The following METTL21A variants were observed in gnomAD, a reference collection of about 807,000 sequenced individuals.
The protein encoded by METTL21A is protein N-lysine methyltransferase METTL21A.
A neutral mutation model predicts 20.9 loss-of-function variants in METTL21A; 22 were observed. The observed-to-expected ratio is 1.05, with a 90% confidence interval of 0.75 to 1.50. The LOEUF is 1.50. Among genes scored for constraint, METTL21A ranks in the 40% most tolerant of loss-of-function variants. METTL21A has a pLI of 0.00. For synonymous variants in METTL21A, 93 were observed against 102.0 expected, an observed-to-expected ratio of 0.91 and a Z score of 0.53; for missense variants, 271 against 266.8, an observed-to-expected ratio of 1.02 and a Z score of -0.11.
chr2:207,610,823 C>T (rs1301769278), downstream of METTL21A: 3 of 31,088 alleles, frequency 9.7e-5, no homozygotes, highest in Non-Finnish European at 1.8e-4. Context: ...GGCCAGCCGC[C>T]CCATCCGGGA....
At chr2:207,608,782 C>T (rs577049331), downstream of METTL21A, among the ~76,000 whole-genome samples, 3 of 152,270 alleles carry the variant, frequency 2.0e-5, no homozygotes, top group South Asian at 2.1e-4. Flanking sequence ...AAAAATTAGC[C>T]GGACCGTGGT....
chr2:207,582,121 C>T, exon 4 of METTL21A: 1 of 702,798 alleles, frequency 1.4e-6, no homozygotes, highest in Non-Finnish European at 2.6e-6. Flanking sequence ...TTCTCTTTGT[C>T]CAGCCCATAT....
chr2:207,607,389 CAAAA>C (rs911579268), downstream of METTL21A, among the ~76,000 whole-genome samples: 6 of 147,586 alleles, frequency 4.1e-5, no homozygotes, highest in East Asian at 2.0e-4. Context: ...AATTCCATCT[CAAAA>C]AAAAGAAAGA....
At chr2:207,614,243 A>AT (rs1197489991) in intron 3 of METTL21A, among the ~76,000 whole-genome samples, 2 of 151,966 alleles carry the variant, frequency 1.3e-5, no homozygotes, top group Non-Finnish European at 1.5e-5. Context: ...TCTACAAATA[A>AT]TTTTTTTTAA....
chr2:207,596,950 A>G lies in METTL21A; in HGVS notation c.260-14790T>C, dbSNP rs140407055. 41 of 1,611,846 alleles carry G rather than the reference A, an allele frequency of 2.5e-5. No homozygotes were observed. The East Asian group carries it at 7.2e-4, about 28-fold the overall frequency. ...GAGAGTGTCGTAGAAAGAAGAAAGAATATGTGAAATGTTTAGAAAACAGAG... is the reference window on the plus strand; with the variant it reads ...GAGAGTGTCGTAGAAAGAAGAAAGAGTATGTGAAATGTTTAGAAAACAGAG... On this transcript the variant is annotated intron_variant, in intron 3 of 3. Transcript: ENST00000425132.
downstream of METTL21A, among the ~76,000 whole-genome samples, chr2:207,606,538 C>G (rs1296391313): frequency 2.6e-5 from 4 of 152,178 alleles, no homozygotes; most frequent in Non-Finnish European, 5.9e-5. Flanking sequence ...CGGTGTCATG[C>G]TGTTTATGTC....
At chr2:207,621,492 C>T (rs1257486357) in intron 3 of METTL21A, among the ~76,000 whole-genome samples, 1 of 152,146 alleles carries the variant, frequency 6.6e-6, no homozygotes, top group Non-Finnish European at 1.5e-5. Context: ...GATTATTCTC[C>T]TTGAATCAAC....
chr2:207,602,051 CAG>C (rs2087150163), intron 3 of METTL21A: 3 of 204,788 alleles, frequency 1.5e-5, no homozygotes, highest in South Asian at 3.8e-4. Context: ...TTCAAATAAA[CAG>C]GGTGCTGAAG....
At chr2:207,624,315 G>C in exon 2 of METTL21A, 2 of 1,614,060 alleles carry the variant, frequency 1.2e-6, no homozygotes, top group African/African-American at 1.3e-5. Context: ...AAAGTTGCAA[G>C]AGGCTTGTGG....
chr2:207,595,925 T>C (rs764502799), intron 3 of METTL21A, among the ~76,000 whole-genome samples: 5 of 152,238 alleles, frequency 3.3e-5, no homozygotes, highest in Non-Finnish European at 5.9e-5. Context: ...CTTCTCATTC[T>C]GTAGGTTGCC....
intron 3 of METTL21A, among the ~76,000 whole-genome samples, chr2:207,621,482 G>A (rs941518840): frequency 6.6e-6 from 1 of 152,184 alleles, no homozygotes; most frequent in Non-Finnish European, 1.5e-5. Context: ...ACATGGGTAA[G>A]ATTATTCTCC....
At chr2:207,596,310 G>A (rs1427628619) in intron 3 of METTL21A, among the ~76,000 whole-genome samples, 1 of 152,134 alleles carries the variant, frequency 6.6e-6, no homozygotes, top group Non-Finnish European at 1.5e-5. Context: ...TAGCTTTAAT[G>A]TTTTCTTAGT....
At chr2:207,586,384 A>G (rs2083843212) in intron 3 of METTL21A, among the ~76,000 whole-genome samples, 1 of 152,214 alleles carries the variant, frequency 6.6e-6, no homozygotes. Flanking sequence ...GAATGAAACT[A>G]GATACCTATC....
At chr2:207,594,467 T>A (rs2085724917) in intron 3 of METTL21A, among the ~76,000 whole-genome samples, 1 of 152,206 alleles carries the variant, frequency 6.6e-6, no homozygotes, top group South Asian at 2.1e-4. Flanking sequence ...ATAAGAGAAA[T>A]TACACAATAT....
downstream of METTL21A, among the ~76,000 whole-genome samples, chr2:207,607,969 C>T (rs560730523): frequency 3.0e-4 from 45 of 152,086 alleles, 1 homozygote; most frequent in South Asian, 5.0e-3. Context: ...TACGCGCGCT[C>T]GCTCTCCTCT....
At chr2:207,609,136 A>G (rs2088568329), downstream of METTL21A, 1 of 152,240 alleles carries the variant, frequency 6.6e-6, no homozygotes, top group African/African-American at 2.4e-5. Flanking sequence ...CATCTTTATT[A>G]AAGTGAAACT....
chr2:207,603,931 T>C (rs2087589956), intron 3 of METTL21A, among the ~76,000 whole-genome samples: 1 of 152,210 alleles, frequency 6.6e-6, no homozygotes, highest in African/African-American at 2.4e-5. Context: ...GCTGCATTAT[T>C]TGTATGTTTC....
exon 4 of METTL21A, chr2:207,581,882 C>T (rs938899635): frequency 5.7e-6 from 4 of 702,882 alleles, no homozygotes; most frequent in East Asian, 5.4e-5. Context: ...GGCCTTGTAA[C>T]TTTTGAAGAG....
At chr2:207,593,836 A>G (rs1336437598) in intron 3 of METTL21A, among the ~76,000 whole-genome samples, 1 of 150,680 alleles carries the variant, frequency 6.6e-6, no homozygotes, top group African/African-American at 2.4e-5. Flanking sequence ...TTCCTACCTC[A>G]GCCTCCCAAG....
Sources: allele counts gnomAD v4.1 joint callset (sites outside exome capture counted in the v4.1 genomes callset), GRCh38; gene constraint gnomAD v4.1.1; transcripts MANE v1.5; gene names NCBI Gene and HGNC (gene_info 2026-07-23, HGNC 2026-07-21).